Variants in USP49 observed in about 807,000 individuals in gnomAD.
USP49 encodes ubiquitin carboxyl-terminal hydrolase 49.
A neutral mutation model predicts 58.6 loss-of-function variants in USP49; 24 were observed. That is an observed-to-expected ratio of 0.41 (90% confidence interval 0.30 to 0.58). The LOEUF (loss-of-function observed/expected upper bound fraction) is 0.58. Ranked by LOEUF, USP49 falls within the 20% of genes least tolerant of loss-of-function variation. USP49 has a pLI of 0.30. For synonymous variants in USP49, 408 were observed against 365.1 expected (o/e 1.12, Z -1.34); for missense variants, 703 against 866.1 (o/e 0.81, Z 2.36).
At chr6:41,847,481 C>T (rs764808262) in intron 3 of USP49, among the ~76,000 whole-genome samples, 3 of 151,976 alleles carry the variant, frequency 2.0e-5, no homozygotes, top group Non-Finnish European at 2.9e-5. Flanking sequence ...TTTAGGAGGC[C>T]GAGGCAGGTG....
chr6:41,866,626 G>GTGC (rs2127357300), intron 3 of USP49, among the ~76,000 whole-genome samples: 1 of 152,140 alleles, frequency 6.6e-6, no homozygotes, highest in East Asian at 1.9e-4. Context: ...AGAAACCACA[G>GTGC]TGCTCATCAC....
rs200523441 is a variant in USP49 at position 41,806,427 on chromosome 6, C to T, written c.557G>A (p.Arg186Gln). Residue 186 changes from arginine (R) to glutamine (Q), a missense_variant, in exon 4 of 8, where the codon CGG (arginine) becomes CAG (glutamine). Physicochemically the swap from Arg to Gln is conservative, Grantham distance 43. Transcript: ENST00000682992. The surrounding 1 kb of genome is among the most constrained non-coding windows in gnomAD (Gnocchi z 5.9). Reference sequence around the variant, plus strand: ...CCGTTTCACCTCGCGCCGCCGCCTCCGCGCCTCCTCCTTCTTGCGCTCCAG... The same window carrying T: ...CCGTTTCACCTCGCGCCGCCGCCTCTGCGCCTCCTCCTTCTTGCGCTCCAG... ...EALERKKEEA[R>Q]RRRREVKRRL... The T allele has an allele frequency of 1.9e-6, 3 of 1,580,148 alleles. No individual in the cohort carries two copies. The highest frequency in any genetic ancestry group is 2.6e-6 in the Non-Finnish European group (3 of 1,171,614).
intron 3 of USP49, among the ~76,000 whole-genome samples, chr6:41,821,778 C>T (rs1246146815): frequency 6.6e-6 from 1 of 152,148 alleles, no homozygotes; most frequent in Non-Finnish European, 1.5e-5. Context: ...TCCTCATGGA[C>T]TCCAATTATC....
intron 3 of USP49, among the ~76,000 whole-genome samples, chr6:41,817,774 C>T (rs562714519): frequency 6.6e-6 from 1 of 152,198 alleles, no homozygotes; most frequent in South Asian, 2.1e-4. Flanking sequence ...CACCACAATG[C>T]CCAACTAATT....
chr6:41,876,532 G>A (rs908900778), intron 2 of USP49, among the ~76,000 whole-genome samples: 8 of 152,020 alleles, frequency 5.3e-5, no homozygotes, highest in Non-Finnish European at 1.2e-4. Flanking sequence ...TTCTGCCTCA[G>A]CCTTCCAAGT....
intron 3 of USP49, among the ~76,000 whole-genome samples, chr6:41,814,626 G>A (rs1773316822): frequency 6.6e-6 from 1 of 150,898 alleles, no homozygotes; most frequent in Non-Finnish European, 1.5e-5. Context: ...GGGGAATCAA[G>A]AAAAACAAAA....
At chr6:41,888,447 T>C (rs1561928279) in intron 2 of USP49, among the ~76,000 whole-genome samples, 1 of 151,980 alleles carries the variant, frequency 6.6e-6, no homozygotes, top group African/African-American at 2.4e-5. Context: ...CAAGTGCTGT[T>C]TTTTTGTTTG....
intron 3 of USP49, among the ~76,000 whole-genome samples, chr6:41,824,138 ACAGAGCCTAAAGT>A (rs1330403024): frequency 1.3e-5 from 2 of 152,130 alleles, no homozygotes; most frequent in Non-Finnish European, 2.9e-5. Context: ...TTTTGCCTCC[ACAGAGCCTAAAGT>A]CAGGCTGGTT....
chr6:41,800,347 T>C (rs1772976241), intron 5 of USP49, among the ~76,000 whole-genome samples: 1 of 152,246 alleles, frequency 6.6e-6, no homozygotes, highest in Non-Finnish European at 1.5e-5. Context: ...GCAGCCACCA[T>C]GCTGGCCCTG....
chr6:41,814,764 A>G (rs1351657258), intron 3 of USP49, among the ~76,000 whole-genome samples: 1 of 152,222 alleles, frequency 6.6e-6, no homozygotes, highest in African/African-American at 2.4e-5. Context: ...TCTTGGTGAG[A>G]CCAAGTGGCA....
In USP49 at chr6:41,817,150, C is replaced by CTTTTTTTTTTTTTTTTT. The variant is rs34281670; in HGVS notation, c.-28-10156_-28-10140dup. ...CCACCACGCCTGGCTCCCACGCATG[C>CTTTTTTTTTTTTTTTTT]TTTTTTTTTTTTTTTTTGAGACAGA... On this transcript the variant is annotated intron_variant, in intron 3 of 7. Transcript: ENST00000682992. Among the ~76,000 whole-genome samples the CTTTTTTTTTTTTTTTTT allele has an allele frequency of 4.5e-4, 47 of 104,328 alleles. 1 individual carries two copies. Among genetic ancestry groups the CTTTTTTTTTTTTTTTTT allele is most frequent in the African/African-American group, 1.4e-3 (31 of 22,546 alleles). 68.4% of individuals were successfully genotyped at this position (104,328 alleles called of 152,430 possible).
chr6:41,857,889 C>T, intron 3 of USP49, among the ~76,000 whole-genome samples: 1 of 152,154 alleles, frequency 6.6e-6, no homozygotes. Flanking sequence ...TCTCCTGAAA[C>T]CATGTTAAGT....
chr6:41,838,001 G>C (rs2127345429), intron 3 of USP49, among the ~76,000 whole-genome samples: 1 of 152,328 alleles, frequency 6.6e-6, no homozygotes, highest in Middle Eastern at 3.4e-3. Context: ...TACAATACTA[G>C]TGGGAATGTA....
intron 3 of USP49, among the ~76,000 whole-genome samples, chr6:41,858,197 T>C (rs897689168): frequency 6.6e-6 from 1 of 152,134 alleles, no homozygotes; most frequent in African/African-American, 2.4e-5. Context: ...GGAAAACCCA[T>C]TCTATGGTGA....
At position 41,796,094 on chromosome 6, in the gene USP49, GC is replaced by G. The variant is rs1033122565; in HGVS notation, c.*438del. ...GCCAATCCCATCCAGCAAACTGCTA[GC>G]CCAGGGCCCCTCCTCACGTGCTCTG... On this transcript the variant is annotated 3_prime_UTR_variant, in exon 8 of 8. Transcript: ENST00000682992. 1.3e-5 allele frequency: 2 copies of G among 154,516 alleles called. No homozygotes were observed. Among genetic ancestry groups the G allele is most frequent in the African/African-American group, 4.8e-5 (2 of 41,612 alleles). The allele number at this position is 154,516 out of a possible 1,614,324, so 9.6% of individuals were successfully genotyped here.
At position 41,871,551 on chromosome 6, in the gene USP49, T is replaced by G. The variant is rs530034179; in HGVS notation, c.-29+13A>C. On this transcript the variant is annotated intron_variant, in intron 3 of 7. Transcript: ENST00000682992. ...TTCATTAATAATGTTTTATTACAGT[T>G]TTTATTTCTTACCCATTAAACAAGT... 20 of 152,218 alleles carry G rather than the reference T, an allele frequency of 1.3e-4. No homozygotes were observed. The highest frequency in any genetic ancestry group is 2.6e-4 in the Admixed American group (4 of 15,270). The allele number at this position is 152,218 out of a possible 1,614,324, so 9.4% of individuals were successfully genotyped here.
At chr6:41,853,477 T>C (rs1488387027) in intron 3 of USP49, among the ~76,000 whole-genome samples, 1 of 152,186 alleles carries the variant, frequency 6.6e-6, no homozygotes, top group Admixed American at 6.5e-5. Flanking sequence ...AATGCAAATA[T>C]ACTAAATACT....
chr6:41,804,892 G>C (rs1773082628), intron 4 of USP49, among the ~76,000 whole-genome samples: 1 of 152,192 alleles, frequency 6.6e-6, no homozygotes, highest in South Asian at 2.1e-4. Flanking sequence ...GGGATTACAG[G>C]CATGCGCCAC....
intron 3 of USP49, among the ~76,000 whole-genome samples, chr6:41,857,829 TG>T (rs1471082819): frequency 6.6e-6 from 1 of 152,248 alleles, no homozygotes; most frequent in East Asian, 1.9e-4. Context: ...AGGCATTACA[TG>T]CATACTTACA....
Sources: gnomAD v4.1 joint callset for allele counts (sites outside exome capture counted in the v4.1 genomes callset) on GRCh38, gnomAD v4.1.1 for gene constraint, Gnocchi (gnomAD v3.1) non-coding constraint, MANE v1.5 for transcripts, NCBI Gene and HGNC (gene_info 2026-07-23, HGNC 2026-07-21) for gene names.